Variants in CPD observed in about 807,000 individuals in gnomAD.
The protein encoded by CPD is metallocarboxypeptidase D.
In CPD, 69 loss-of-function variants were observed where a neutral mutation model predicts 138.3. The observed-to-expected ratio is 0.50, with a 90% confidence interval of 0.41 to 0.61. CPD has a LOEUF of 0.61. CPD is among the 20% of genes least tolerant of loss of function. The pLI, the probability that CPD is intolerant of heterozygous loss-of-function variation, is 0.00. For missense variants in CPD, 1,432 were observed against 1,733.3 expected, an observed-to-expected ratio of 0.83 and a Z score of 3.09; for synonymous variants, 651 against 642.1, an observed-to-expected ratio of 1.01 and a Z score of -0.21.
chr17:30,461,200 C>A lies in CPD; in HGVS notation c.3519C>A (p.Gly1173=). 6.2e-7 allele frequency: 1 copy of A among 1,602,362 alleles called. No individual in the cohort carries two copies. Among genetic ancestry groups the A allele is most frequent in the Admixed American group, 1.7e-5 (1 of 57,594 alleles). Residue 1173 remains glycine, a synonymous_variant, in exon 18 of 21, where the codon GGC becomes GGA. Coordinates refer to ENST00000225719, the MANE Select transcript of CPD (RefSeq NM_001304.5). ...TCTAGGATTATAGTGTCACCTATGG[C>A]CATTGTCCGGAAATCACAGTATACA... ...GSMKDYSVTY[G]HCPEITVYTS...
At position 30,464,669 on chromosome 17, in the gene CPD, G is replaced by A; in HGVS notation, c.3998G>A (p.Gly1333Asp). 6.2e-7 allele frequency: 1 copy of A among 1,613,952 alleles called. No homozygotes were observed. The highest frequency in any genetic ancestry group is 8.5e-7 in the Non-Finnish European group (1 of 1,179,916). ...CSIKSNRHKD[G>D]FHRLRQHHDE... ...ATCAAGTCTAATAGACACAAGGATGGCTTTCATCGGCTCAGGCAGCATCAT... is the reference window on the plus strand; with the variant it reads ...ATCAAGTCTAATAGACACAAGGATGACTTTCATCGGCTCAGGCAGCATCAT... Residue 1333 changes from glycine (G) to aspartate (D), a missense_variant, in exon 21 of 21, where the codon GGC becomes GAC. Transcript: ENST00000225719.
At position 30,458,865 on chromosome 17, in the gene CPD, CAA is replaced by C. The variant is rs60140816; in HGVS notation, c.3499-2302_3499-2301del. Among the ~76,000 whole-genome samples, 481 of 133,944 alleles carry C rather than the reference CAA, an allele frequency of 3.6e-3. 1 individual carries two copies. Among genetic ancestry groups the C allele is most frequent in the African/African-American group, 7.3e-3 (263 of 36,038 alleles). 87.9% of individuals were successfully genotyped at this position (133,944 alleles called of 152,430 possible). A position where few individuals can be genotyped will look rare whatever the true frequency, so the allele number is the denominator to read the frequency against. On this transcript the variant is annotated intron_variant, in intron 17 of 20. Transcript: ENST00000225719. Reference sequence around the variant, plus strand: ...TGGGCAACAGAGTGAGACCCTGTCTCAAAAAAAAAAAAAAGAAAAAAAAGAGT... The same window carrying C: ...TGGGCAACAGAGTGAGACCCTGTCTCAAAAAAAAAAAAGAAAAAAAAGAGT...
intron 13 of CPD, 148 bp downstream of exon 13, chr17:30,449,896 A>G (rs1913123509): frequency 4.8e-6 from 3 of 629,874 alleles, no homozygotes; most frequent in East Asian, 3.2e-5. Context: ...AAAATGAACC[A>G]TCTTTGTAGT....
In CPD at chr17:30,380,608, G is replaced by A. The variant is rs774862092; in HGVS notation, c.746+882G>A. On this transcript the variant is annotated intron_variant, in intron 1 of 20. Coordinates refer to ENST00000225719, the MANE Select transcript of CPD (RefSeq NM_001304.5). ...GAAGAAGGAGGACCTCAAGAAATTA[G>A]TATAAAACAAGAGAATGTTATAAAT... The A allele has an allele frequency of 3.3e-6, 5 of 1,514,554 alleles. No homozygotes were observed. In the South Asian group the frequency reaches 6.2e-5, roughly 19 times the overall value. The allele number at this position is 1,514,554 out of a possible 1,614,324, so 93.8% of individuals were successfully genotyped here. A position where few individuals can be genotyped will look rare whatever the true frequency, so the allele number is the denominator to read the frequency against.
intron 11 of CPD, among the ~76,000 whole-genome samples, chr17:30,444,313 G>A (rs1912965743): frequency 6.6e-6 from 1 of 152,094 alleles, no homozygotes; most frequent in Admixed American, 6.6e-5. Flanking sequence ...TTAGGCTGAA[G>A]TAATTCTACA....
rs1054814575 is a variant in CPD at position 30,379,061 on chromosome 17, C to G, written c.81C>G (p.Ser27Arg). 9 of 1,561,510 alleles carry G rather than the reference C, an allele frequency of 5.8e-6. No individual in the cohort carries two copies. The African/African-American group carries it at 1.3e-4, about 22-fold the overall frequency. The part of the protein sequence containing the change: ...LLLMCLLLLG[S>R]SARAAHIKKA... ...TCATGTGCCTGCTGCTGCTGGGGAGCTCGGCCCGGGCGGCTCACATCAAGA... is the reference window on the plus strand; with the variant it reads ...TCATGTGCCTGCTGCTGCTGGGGAGGTCGGCCCGGGCGGCTCACATCAAGA... Residue 27 changes from serine (S) to arginine (R), a missense_variant, in exon 1 of 21, where the codon AGC becomes AGG. Ser to Arg is a moderately radical substitution (Grantham distance 110, BLOSUM62 -1). Around this residue, in one of 6 missense-constraint regions of CPD, gnomAD observed 484 missense variants for 477.2 expected, o/e 1.01. Transcript: ENST00000225719. This position sits in a 1 kb window ranked among gnomAD's most constrained non-coding sequence, Gnocchi z 7.0.
At chr17:30,458,284 T>C (rs1397299855) in intron 17 of CPD, among the ~76,000 whole-genome samples, 1 of 152,216 alleles carries the variant, frequency 6.6e-6, no homozygotes, top group Non-Finnish European at 1.5e-5. Context: ...GCAAGTATTT[T>C]CTCCTATTCT....
chr17:30,456,546 GT>G lies in CPD; in HGVS notation c.3498+22del, dbSNP rs772562043. The G allele has an allele frequency of 1.2e-6, 2 of 1,612,154 alleles. No individual in the cohort carries two copies. The highest frequency in any genetic ancestry group is 2.2e-5 in the South Asian group (2 of 91,030). ...ATGAAGGTATGCTTTCTAGAACATG[GT>G]TAGAATGGAGTTATGGCCAGGCACA... On this transcript the variant is annotated intron_variant, in intron 17 of 20. Coordinates refer to ENST00000225719, the MANE Select transcript of CPD (RefSeq NM_001304.5).
In CPD at chr17:30,424,785, C is replaced by T. The variant is rs79895499; in HGVS notation, c.1849+1088C>T. ...GCACAACACTAGGGGAGTAAGAATT[C>T]ATCTTTTCCCAGCCCATGATTTCTT... is the stretch of plus-strand genomic sequence containing the variant. On this transcript the variant is annotated intron_variant, in intron 6 of 20. Transcript: ENST00000225719. 2.8e-3 allele frequency among the ~76,000 whole-genome samples: 419 copies of T among 152,306 alleles called. 1 individual carries two copies. The highest frequency in any genetic ancestry group is 4.1e-3 in the South Asian group (20 of 4,830).
chr17:30,385,506 A>G (rs972050912), intron 2 of CPD, among the ~76,000 whole-genome samples: 1 of 23,068 alleles, frequency 4.3e-5, no homozygotes, highest in Admixed American at 3.7e-4. Context: ...ATGTGCATGC[A>G]CACACACACA....
chr17:30,462,556 C>T lies in CPD; in HGVS notation c.3916+87C>T, dbSNP rs529155529. 543 of 840,276 alleles carry T rather than the reference C, an allele frequency of 6.5e-4. 1 individual carries two copies. In the African/African-American group the frequency reaches 8.4e-3, roughly 13 times the overall value. The allele number at this position is 840,276 out of a possible 1,614,324, so 52.1% of individuals were successfully genotyped here. ...AGTGGGTCACCTCTCTCATATTGAT[C>T]CTGAAACTAATCACTTGTCTTCTAA... On this transcript the variant is annotated intron_variant, in intron 20 of 20. Coordinates refer to ENST00000225719, the MANE Select transcript of CPD (RefSeq NM_001304.5).
At chr17:30,429,809 GA>G (rs1386846510) in intron 7 of CPD, among the ~76,000 whole-genome samples, 1 of 152,138 alleles carries the variant, frequency 6.6e-6, no homozygotes, top group Non-Finnish European at 1.5e-5. Context: ...ATATGCGGGG[GA>G]AACTAATGAA....
At chr17:30,390,388 G>GA (rs1421719586) in intron 2 of CPD, among the ~76,000 whole-genome samples, 2 of 152,212 alleles carry the variant, frequency 1.3e-5, no homozygotes, top group Non-Finnish European at 2.9e-5. Flanking sequence ...CTTTAGAGCT[G>GA]AAAGTGAATA....
chr17:30,429,409 A>G (rs2143435158), intron 7 of CPD, among the ~76,000 whole-genome samples: 1 of 152,238 alleles, frequency 6.6e-6, no homozygotes, highest in Non-Finnish European at 1.5e-5. Context: ...TCATGCAGAC[A>G]TTTTTCTTTC....
rs1913694985 is a variant in CPD, at chr17:30,468,209, A to G, written c.*3395A>G. The G allele has an allele frequency of 6.6e-6, 1 of 152,614 alleles. No homozygotes were observed. The highest frequency in any genetic ancestry group is 2.1e-4 in the South Asian group (1 of 4,838). The allele number at this position is 152,614 out of a possible 1,614,324, so 9.5% of individuals were successfully genotyped here. Reference sequence around the variant, plus strand: ...CTGGTTGATTTTGATTTGACAGCATACATTATGAAATTTGAAAGTAGGTTA... The same window carrying G: ...CTGGTTGATTTTGATTTGACAGCATGCATTATGAAATTTGAAAGTAGGTTA... On this transcript the variant is annotated 3_prime_UTR_variant, in exon 21 of 21. Coordinates refer to ENST00000225719, the MANE Select transcript of CPD (RefSeq NM_001304.5).
rs1910962011 is a variant in CPD, at chr17:30,378,980, G to A, written c.-1G>A. On this transcript the variant is annotated 5_prime_UTR_variant, in exon 1 of 21. Coordinates refer to ENST00000225719, the MANE Select transcript of CPD (RefSeq NM_001304.5). ...GCCGGGGTTAGCGGCGCTGCTGGAA[G>A]ATGGCGAGCGGCCGGGACGAGCGGC... 7 of 1,527,090 alleles carry A rather than the reference G, an allele frequency of 4.6e-6. No individual in the cohort carries two copies. Among genetic ancestry groups the A allele is most frequent in the Non-Finnish European group, 5.2e-6 (6 of 1,148,580 alleles). 94.6% of individuals were successfully genotyped at this position (1,527,090 alleles called of 1,614,324 possible). A position where few individuals can be genotyped will look rare whatever the true frequency, so the allele number is the denominator to read the frequency against.
At chr17:30,413,275 G>A (rs149237124) in intron 2 of CPD, among the ~76,000 whole-genome samples, 110 of 152,326 alleles carry the variant, frequency 7.2e-4, no homozygotes, top group African/African-American at 2.2e-3. Flanking sequence ...ATGATTATAG[G>A]TCAGCAATGA....
chr17:30,379,342 C>A lies in CPD; in HGVS notation c.362C>A (p.Ala121Asp). The change falls in exon 1 of 21, where the codon GCT becomes GAT. Residue 121 changes from alanine (A) to aspartate (D), a missense_variant. Physicochemically the swap from Ala to Asp is moderately radical, Grantham distance 126 (BLOSUM62 -2). Coordinates refer to ENST00000225719, the MANE Select transcript of CPD (RefSeq NM_001304.5). The surrounding 1 kb of genome is among the most constrained non-coding windows in gnomAD (Gnocchi z 7.0). The stretch of plus-strand genomic sequence containing the variant: ...GGGCCTGACGCTGCCGGGCCCGACG[C>A]TGCGGGGCCGCTGCTGCCCGGCCGG... ...DAGPDAAGPD[A>D]AGPLLPGRPQ... The A allele has an allele frequency of 2.7e-6, 4 of 1,494,660 alleles. No individual in the cohort carries two copies. Among genetic ancestry groups the A allele is most frequent in the East Asian group, 2.8e-5 (1 of 35,510 alleles). The allele number at this position is 1,494,660 out of a possible 1,614,324, so 92.6% of individuals were successfully genotyped here. A position where few individuals can be genotyped will look rare whatever the true frequency, so the allele number is the denominator to read the frequency against.
rs114620528 is a variant in CPD, at chr17:30,430,509, A to G, written c.2018-1263A>G. Among the ~76,000 whole-genome samples the G allele has an allele frequency of 1.9e-3, 285 of 152,336 alleles. 1 individual carries two copies. Among genetic ancestry groups the G allele is most frequent in the African/African-American group, 6.3e-3 (260 of 41,582 alleles). On this transcript the variant is annotated intron_variant, in intron 7 of 20. Coordinates refer to ENST00000225719, the MANE Select transcript of CPD (RefSeq NM_001304.5). ...TTGAATAATAGTACATTGTATATACATATGTATATATCAATATCACATTTG... is the reference window on the plus strand; with the variant it reads ...TTGAATAATAGTACATTGTATATACGTATGTATATATCAATATCACATTTG...
Sources: gnomAD v4.1 joint callset for allele counts (sites outside exome capture counted in the v4.1 genomes callset) on GRCh38, gnomAD v4.1.1 for gene constraint, gnomAD v4.1.1 regional missense constraint, Gnocchi (gnomAD v3.1) non-coding constraint, MANE v1.5 for transcripts, NCBI Gene and HGNC (gene_info 2026-07-23, HGNC 2026-07-21) for gene names.